DBF4B: variants seen among roughly 807,000 people sequenced by gnomAD.
DBF4B encodes the protein DBF4B-CDC7 kinase regulatory subunit.
Under a neutral mutation model 53.4 loss-of-function variants are expected in DBF4B, and 49 were observed. The ratio of observed to expected loss-of-function variants is 0.92; its 90% CI spans 0.73 to 1.16. The LOEUF (loss-of-function observed/expected upper bound fraction) is 1.16. Among genes scored for constraint, DBF4B ranks in the 50% most tolerant of loss-of-function variants. DBF4B has a pLI of 0.00. For synonymous variants in DBF4B, 257 were observed against 288.7 expected (o/e 0.89, Z 1.11); for missense variants, 692 against 775.0 (o/e 0.89, Z 1.27).
Position 44,747,070 on chromosome 17 carries a change from G to A in DBF4B, c.831-13G>A. On this transcript the variant is annotated splice_polypyrimidine_tract_variant and intron_variant, in intron 10 of 13. Coordinates refer to ENST00000315005, the MANE Select transcript of DBF4B (RefSeq NM_145663.3). Reference sequence around the variant, plus strand: ...AGCAGTAACCACTTTGCCGCACTATGTACCCTCCCCAGAGAATCCAAGGAT... The same window carrying A: ...AGCAGTAACCACTTTGCCGCACTATATACCCTCCCCAGAGAATCCAAGGAT... 1 of 1,613,226 alleles carries A rather than the reference G, an allele frequency of 6.2e-7. No individual in the cohort carries two copies. Among genetic ancestry groups the A allele is most frequent in the Non-Finnish European group, 8.5e-7 (1 of 1,179,308 alleles).
chr17:44,730,932 C>A, intron 4 of DBF4B, 33 bp from the exon 5 acceptor site: 1 of 1,612,824 alleles, frequency 6.2e-7, no homozygotes, highest in Non-Finnish European at 8.5e-7. Flanking sequence ...GGTGGCCTAA[C>A]AGCAGACCTC....
At chr17:44,721,892 T>C (rs957089468) in intron 2 of DBF4B, among the ~76,000 whole-genome samples, 3 of 151,176 alleles carry the variant, frequency 2.0e-5, no homozygotes, top group Non-Finnish European at 4.4e-5. Flanking sequence ...CCCAGCACTT[T>C]GGGAGGCCGA....
chr17:44,714,890 A>G (rs1002714731), intron 2 of DBF4B, among the ~76,000 whole-genome samples: 3 of 151,808 alleles, frequency 2.0e-5, no homozygotes, highest in African/African-American at 7.3e-5. Context: ...CCAAACCAGA[A>G]TAGGTTCAGA....
At chr17:44,750,095 G>T (rs914063095) in intron 13 of DBF4B, 31 of 995,640 alleles carry the variant, frequency 3.1e-5, no homozygotes, top group Non-Finnish European at 3.7e-5. Context: ...CCTGCCCGAA[G>T]TTCGGCTGTT....
chr17:44,745,806 A>C (rs1310966277), intron 10 of DBF4B, among the ~76,000 whole-genome samples: 2 of 152,238 alleles, frequency 1.3e-5, no homozygotes, highest in Non-Finnish European at 2.9e-5. Flanking sequence ...GGTTTGTGTC[A>C]TACTTAGGAA....
At chr17:44,730,730 TTC>T (rs1203865143) in intron 4 of DBF4B, among the ~76,000 whole-genome samples, 7 of 152,178 alleles carry the variant, frequency 4.6e-5, no homozygotes, top group African/African-American at 1.7e-4. Flanking sequence ...CAGAGTGCCC[TTC>T]TCTCCACCAG....
intron 2 of DBF4B, among the ~76,000 whole-genome samples, chr17:44,721,272 G>A (rs1365888618): frequency 1.5e-5 from 2 of 133,630 alleles, no homozygotes; most frequent in Admixed American, 8.2e-5. Flanking sequence ...AGACTGGAGT[G>A]CAGTGGCATG....
chr17:44,742,341 C>T (rs559979007), intron 10 of DBF4B, among the ~76,000 whole-genome samples: 1 of 143,872 alleles, frequency 7.0e-6, no homozygotes, highest in Non-Finnish European at 1.5e-5. Context: ...ACCCGGCAGG[C>T]GGAGGTTGTA....
chr17:44,734,687 C>T (rs1975185814), intron 7 of DBF4B, among the ~76,000 whole-genome samples: 1 of 152,194 alleles, frequency 6.6e-6, no homozygotes, highest in African/African-American at 2.4e-5. Context: ...ACCCAAGCCT[C>T]AATCTGAGGA....
chr17:44,750,614 G>A lies in DBF4B; in HGVS notation c.1209G>A (p.Ala403=), dbSNP rs376850218. 4.3e-6 allele frequency: 7 copies of A among 1,611,706 alleles called. No individual in the cohort carries two copies. The highest frequency in any genetic ancestry group is 1.1e-5 in the South Asian group (1 of 90,952). The part of the protein sequence containing the change: ...CQASVTQGRA[A]GQQRWTESLD... Reference sequence around the variant, plus strand: ...CTCCAGTGACCCAAGGCAGGGCTGCGGGCCAGCAGCGATGGACAGAATCAC... The same window carrying A: ...CTCCAGTGACCCAAGGCAGGGCTGCAGGCCAGCAGCGATGGACAGAATCAC... The change falls in exon 14 of 14, where the codon GCG becomes GCA. Residue 403 remains alanine (A), a synonymous_variant. Coordinates refer to ENST00000315005, the MANE Select transcript of DBF4B (RefSeq NM_145663.3).
intron 2 of DBF4B, among the ~76,000 whole-genome samples, chr17:44,721,270 G>A (rs539989563): frequency 2.0e-4 from 26 of 132,676 alleles, no homozygotes; most frequent in Admixed American, 6.6e-4. Flanking sequence ...CCAGACTGGA[G>A]TGCAGTGGCA....
At chr17:44,746,119 C>T (rs1196134748) in intron 10 of DBF4B, among the ~76,000 whole-genome samples, 1 of 149,274 alleles carries the variant, frequency 6.7e-6, no homozygotes, top group Non-Finnish European at 1.5e-5. Context: ...GTAATCCCAG[C>T]TATTCGGGAG....
chr17:44,750,210 A>G lies in DBF4B; in HGVS notation c.1190-385A>G, dbSNP rs2049245539. ...CCCATTTCTGGCAGCCAAGCCATTA[A>G]TCTGGAGACAGAAATGGGTTTGCTA... On this transcript the variant is annotated intron_variant, in intron 13 of 13. Transcript: ENST00000315005. The G allele has an allele frequency of 9.0e-6, 9 of 1,005,160 alleles. 1 individual carries two copies. In the South Asian group the frequency reaches 4.0e-4, roughly 45 times the overall value. 62.3% of individuals were successfully genotyped at this position (1,005,160 alleles called of 1,614,324 possible).
intron 3 of DBF4B, among the ~76,000 whole-genome samples, chr17:44,725,344 A>G (rs1035339096): frequency 1.3e-5 from 2 of 152,174 alleles, no homozygotes; most frequent in African/African-American, 4.8e-5. Flanking sequence ...GAAATTTTAG[A>G]GAACATGGAA....
At chr17:44,719,121 C>T (rs1237863093) in intron 2 of DBF4B, 1 of 151,914 alleles carries the variant, frequency 6.6e-6, no homozygotes, top group African/African-American at 2.4e-5. Context: ...CACGTGCCAC[C>T]ATGCCCAGCT....
intron 10 of DBF4B, among the ~76,000 whole-genome samples, chr17:44,743,767 G>A (rs1263194083): frequency 2.0e-5 from 3 of 151,724 alleles, no homozygotes; most frequent in African/African-American, 7.3e-5. Context: ...ACACCACCTC[G>A]CCCGGCTAAT....
intron 3 of DBF4B, among the ~76,000 whole-genome samples, chr17:44,726,195 G>A (rs1239928410): frequency 6.6e-6 from 1 of 150,436 alleles, no homozygotes; most frequent in Admixed American, 6.6e-5. Context: ...CTCCATGTTG[G>A]TTAGGCTGGT....
chr17:44,723,578 C>T (rs1478948957), intron 3 of DBF4B, among the ~76,000 whole-genome samples: 1 of 151,884 alleles, frequency 6.6e-6, no homozygotes, highest in African/African-American at 2.4e-5. Context: ...GCCTAAATGA[C>T]AAAACCCTGT....
At chr17:44,723,873 G>T (rs559906251) in intron 3 of DBF4B, among the ~76,000 whole-genome samples, 13 of 152,314 alleles carry the variant, frequency 8.5e-5, no homozygotes, top group Admixed American at 8.5e-4. Flanking sequence ...CACTTCGGGA[G>T]GCTGAGGAGG....
Sources: allele counts gnomAD v4.1 joint callset (sites outside exome capture counted in the v4.1 genomes callset), GRCh38; gene constraint gnomAD v4.1.1; transcripts MANE v1.5; gene names NCBI Gene and HGNC (gene_info 2026-07-23, HGNC 2026-07-21).